The following IMMT variants were observed in gnomAD, a reference collection of about 807,000 sequenced individuals.
IMMT encodes the protein inner membrane mitochondrial protein, also known as MICOS complex subunit MIC60.
In IMMT, 40 loss-of-function variants were observed where a neutral mutation model predicts 92.7. The observed-to-expected ratio is 0.43, with a 90% CI of 0.34 to 0.56. The LOEUF is 0.56. Among genes scored for constraint, IMMT ranks in the 20% least tolerant of loss-of-function variants. The pLI is 0.03. For synonymous variants in IMMT, 322 were observed against 336.1 expected (o/e 0.96, Z 0.46); for missense variants, 831 against 912.1 (o/e 0.91, Z 1.14).
At chr2:86,162,951 A>G (rs961365677) in intron 7 of IMMT, among the ~76,000 whole-genome samples, 6 of 152,144 alleles carry the variant, frequency 3.9e-5, no homozygotes, top group African/African-American at 1.4e-4. Context: ...TAGGGGATAT[A>G]TAATATTAGG....
At chr2:86,164,473 T>G (rs1183940062) in intron 7 of IMMT, among the ~76,000 whole-genome samples, 1 of 151,760 alleles carries the variant, frequency 6.6e-6, no homozygotes, top group African/African-American at 2.4e-5. Context: ...GGTAGATCAC[T>G]TGAGGTCATG....
At chr2:86,188,571 G>A (rs1046516812) in intron 1 of IMMT, among the ~76,000 whole-genome samples, 2 of 151,944 alleles carry the variant, frequency 1.3e-5, no homozygotes, top group Non-Finnish European at 2.9e-5. Context: ...CACTACAGGT[G>A]CATGCCACCA....
chr2:86,170,250 T>C (rs1676987496), intron 6 of IMMT, among the ~76,000 whole-genome samples: 1 of 152,076 alleles, frequency 6.6e-6, no homozygotes, highest in Non-Finnish European at 1.5e-5. Context: ...TGCCTGTGTC[T>C]ATAAAAAATT....
intron 7 of IMMT, 57 bp from the exon 8 acceptor site, chr2:86,162,136 G>A: frequency 9.3e-7 from 1 of 1,071,478 alleles, no homozygotes; most frequent in Non-Finnish European, 1.3e-6. Context: ...CATATGATAG[G>A]CCAACAAGAT....
chr2:86,192,615 A>C (rs1217796475), intron 1 of IMMT, among the ~76,000 whole-genome samples: 4 of 152,236 alleles, frequency 2.6e-5, no homozygotes, highest in Non-Finnish European at 5.9e-5. Context: ...TTAAAGGTGG[A>C]AACTGTGTAA....
chr2:86,195,420 T>C lies in IMMT; in HGVS notation c.-38A>G. On this transcript the variant is annotated 5_prime_UTR_variant, in exon 1 of 15. Transcript: ENST00000410111. Reference sequence around the variant, plus strand: ...GACGGCGCTGCTGGTGGACTCGAGCTGCCGCGGCGGCGCGAGTTAAGTGGA... The same window carrying C: ...GACGGCGCTGCTGGTGGACTCGAGCCGCCGCGGCGGCGCGAGTTAAGTGGA... The C allele has an allele frequency of 6.5e-7, 1 of 1,542,362 alleles. No homozygotes were observed. The highest frequency in any genetic ancestry group is 8.7e-7 in the Non-Finnish European group (1 of 1,143,102).
intron 1 of IMMT, among the ~76,000 whole-genome samples, chr2:86,187,890 C>A (rs868443450): frequency 1.3e-5 from 2 of 148,516 alleles, no homozygotes; most frequent in Non-Finnish European, 3.0e-5. Flanking sequence ...CCAGCCTGGG[C>A]AACAAGAGTG....
chr2:86,182,617 C>T (rs1261065145), intron 1 of IMMT, among the ~76,000 whole-genome samples: 2 of 152,112 alleles, frequency 1.3e-5, no homozygotes, highest in South Asian at 2.1e-4. Flanking sequence ...GCGGCGCAGG[C>T]GGGGATTGCT....
Position 86,153,574 on chromosome 2 carries a change from C to G in IMMT, c.1163G>C (p.Ser388Thr). 6.8e-7 allele frequency: 1 copy of G among 1,473,654 alleles called. No individual in the cohort carries two copies. The highest frequency in any genetic ancestry group is 9.2e-7 in the Non-Finnish European group (1 of 1,091,988). The allele number at this position is 1,473,654 out of a possible 1,614,324, so 91.3% of individuals were successfully genotyped here. A position where few individuals can be genotyped will look rare whatever the true frequency, so the allele number is the denominator to read the frequency against. ...PEVLPGWKGM[S>T]VSDLADKLST... ...ATAACACTCACCTAAGTCTGAAACA[C>G]CTACAAAGGAAAAAATAGAACAGTT... Residue 388 changes from serine (S) to threonine (T), a missense_variant and splice_region_variant, in exon 11 of 15, where the codon AGT becomes ACT. Ser to Thr is a moderately conservative substitution (Grantham distance 58). Coordinates refer to ENST00000410111, the MANE Select transcript of IMMT (RefSeq NM_006839.3).
At chr2:86,154,149 C>A (rs899120102) in intron 10 of IMMT, among the ~76,000 whole-genome samples, 2 of 151,502 alleles carry the variant, frequency 1.3e-5, no homozygotes, top group Admixed American at 6.6e-5. Context: ...CAGGCATGAG[C>A]CACTGCACCC....
intron 4 of IMMT, among the ~76,000 whole-genome samples, chr2:86,172,048 C>T (rs2105251230): frequency 6.6e-6 from 1 of 150,610 alleles, no homozygotes; most frequent in South Asian, 2.1e-4. Context: ...TCACTGCAAC[C>T]TCGACCTCCC....
At chr2:86,146,896 G>A (rs968937492) in intron 13 of IMMT, among the ~76,000 whole-genome samples, 4 of 152,190 alleles carry the variant, frequency 2.6e-5, no homozygotes, top group Non-Finnish European at 1.5e-5. Context: ...GAGTGGCTGG[G>A]ATTACATGCA....
chr2:86,157,719 C>T (rs1052417883), intron 10 of IMMT, among the ~76,000 whole-genome samples: 2 of 140,134 alleles, frequency 1.4e-5, no homozygotes, highest in African/African-American at 5.3e-5. Flanking sequence ...ACGTGGGAGG[C>T]GGAGGTTGCA....
chr2:86,183,308 ATTTT>A (rs113518713), intron 1 of IMMT, among the ~76,000 whole-genome samples: 1 of 151,838 alleles, frequency 6.6e-6, no homozygotes, highest in Admixed American at 6.6e-5. Context: ...TCTTTAAATA[ATTTT>A]TTTTGTTGTT....
At position 86,147,842 on chromosome 2, in the gene IMMT, CCAAA is replaced by C; in HGVS notation, c.1402-13_1402-10del. 3 of 1,612,698 alleles carry C rather than the reference CCAAA, an allele frequency of 1.9e-6. No homozygotes were observed. Among genetic ancestry groups the C allele is most frequent in the South Asian group, 2.2e-5 (2 of 90,988 alleles). On this transcript the variant is annotated splice_polypyrimidine_tract_variant and intron_variant, in intron 12 of 14. Coordinates refer to ENST00000410111, the MANE Select transcript of IMMT (RefSeq NM_006839.3). ...TCTCTGACTTCTTCTATCTGTGAAA[CCAAA>C]CATAGTAGTTATTAGTTTTCAATTC... is the stretch of plus-strand genomic sequence containing the variant.
intron 13 of IMMT, 71 bp downstream of exon 13, chr2:86,147,631 T>C: frequency 1.4e-6 from 2 of 1,475,316 alleles, no homozygotes; most frequent in Admixed American, 2.2e-5. Context: ...TCAGAGTACA[T>C]TAAAAGGAAA....
intron 10 of IMMT, among the ~76,000 whole-genome samples, chr2:86,155,737 T>A (rs1013498971): frequency 6.6e-6 from 1 of 152,088 alleles, no homozygotes; most frequent in Non-Finnish European, 1.5e-5. Flanking sequence ...AAGAGCAAAA[T>A]GCCTCATAAC....
intron 3 of IMMT, among the ~76,000 whole-genome samples, chr2:86,175,743 A>C (rs1376838251): frequency 6.6e-6 from 1 of 151,486 alleles, no homozygotes; most frequent in Non-Finnish European, 1.5e-5. Context: ...AAAAAAATAG[A>C]AACACTAACT....
intron 6 of IMMT, among the ~76,000 whole-genome samples, chr2:86,167,901 G>GC (rs1310062288): frequency 4.6e-5 from 7 of 151,782 alleles, no homozygotes; most frequent in African/African-American, 1.7e-4. Flanking sequence ...GGACACTATA[G>GC]CCCCTTTTAC....
Sources: gnomAD v4.1 joint callset for allele counts (sites outside exome capture counted in the v4.1 genomes callset) on GRCh38, gnomAD v4.1.1 for gene constraint, MANE v1.5 for transcripts, NCBI Gene and HGNC (gene_info 2026-07-23, HGNC 2026-07-21) for gene names.